Variants in RBM20 observed in about 807,000 individuals in gnomAD.
RBM20 encodes RNA-binding protein 20.
RBM20 carries 51 observed loss-of-function variants against 110.1 expected under a neutral mutation model. The observed-to-expected ratio is 0.46, with a 90% CI of 0.37 to 0.59. RBM20 has a LOEUF of 0.59. RBM20 is among the 20% of genes least tolerant of loss of function. The pLI is 0.00. For missense variants in RBM20, 1,512 were observed against 1,574.9 expected, an observed-to-expected ratio of 0.96 and a Z score of 0.68; for synonymous variants, 589 against 618.2, an observed-to-expected ratio of 0.95 and a Z score of 0.70.
At chr10:110,704,701 G>C (rs1179332594) in intron 1 of RBM20, among the ~76,000 whole-genome samples, 1 of 152,182 alleles carries the variant, frequency 6.6e-6, no homozygotes, top group African/African-American at 2.4e-5. Flanking sequence ...TCTTAGCTCT[G>C]GGAATTGAGT....
In RBM20 at chr10:110,830,201, A is replaced by C. The variant is rs547217271; in HGVS notation, c.3452-860A>C. On this transcript the variant is annotated intron_variant, in intron 12 of 13. Coordinates refer to ENST00000369519, the MANE Select transcript of RBM20 (RefSeq NM_001134363.3). ...ACTCCACTGACTGACCGTGTCTTCA[A>C]AAGGAGAACTGTGACCTGCAAAACA... is the stretch of plus-strand genomic sequence containing the variant. Among the ~76,000 whole-genome samples the C allele has an allele frequency of 1.4e-4, 22 of 152,306 alleles. No homozygotes were observed. The East Asian group carries it at 4.0e-3, about 28-fold the overall frequency.
intron 1 of RBM20, among the ~76,000 whole-genome samples, chr10:110,774,492 A>T (rs1418665838): frequency 6.6e-6 from 1 of 151,944 alleles, no homozygotes; most frequent in Non-Finnish European, 1.5e-5. Flanking sequence ...TTGCAAAGAG[A>T]GAATTCATCT....
At chr10:110,756,348 G>A (rs921284910) in intron 1 of RBM20, 1 of 152,172 alleles carries the variant, frequency 6.6e-6, no homozygotes, top group Non-Finnish European at 1.5e-5. Flanking sequence ...ACCATGCTGG[G>A]TATTGTGGCA....
intron 8 of RBM20, 77 bp from the exon 9 acceptor site, chr10:110,812,201 G>C (rs558327179): frequency 1.6e-6 from 2 of 1,264,538 alleles, no homozygotes; most frequent in Non-Finnish European, 2.2e-6. Context: ...CTAAGACAGA[G>C]ACTGTGTGTC....
intron 1 of RBM20, among the ~76,000 whole-genome samples, chr10:110,714,785 T>C (rs1862991617): frequency 6.6e-6 from 1 of 152,164 alleles, no homozygotes; most frequent in Admixed American, 6.5e-5. Flanking sequence ...AATCCTTCCC[T>C]AGTAGTTGAC....
rs1180340998 is a variant in RBM20 at position 110,784,441 on chromosome 10, G to A, written c.1429+9G>A. Reference sequence around the variant, plus strand: ...CCCTGCTGGGAATGAAGGTGAGCAAGGCCCTACAGGTCAGCAGCTTGAAGC... The same window carrying A: ...CCCTGCTGGGAATGAAGGTGAGCAAAGCCCTACAGGTCAGCAGCTTGAAGC... On this transcript the variant is annotated intron_variant, in intron 4 of 13. Transcript: ENST00000369519. 6.5e-6 allele frequency: 10 copies of A among 1,546,910 alleles called. No homozygotes were observed. The highest frequency in any genetic ancestry group is 1.4e-5 in the African/African-American group (1 of 72,930).
intron 1 of RBM20, among the ~76,000 whole-genome samples, chr10:110,684,627 T>C (rs555139541): frequency 1.3e-5 from 2 of 152,314 alleles, no homozygotes; most frequent in African/African-American, 4.8e-5. Flanking sequence ...TACAAAACAC[T>C]GTAGAAGTTC....
At chr10:110,738,983 G>C (rs996814476) in intron 1 of RBM20, among the ~76,000 whole-genome samples, 2 of 152,180 alleles carry the variant, frequency 1.3e-5, no homozygotes, top group Admixed American at 1.3e-4. Flanking sequence ...AGAATTAGTA[G>C]GAAGCATTTG....
chr10:110,664,040 A>G (rs1364342587), intron 1 of RBM20, among the ~76,000 whole-genome samples: 1 of 152,232 alleles, frequency 6.6e-6, no homozygotes, highest in Non-Finnish European at 1.5e-5. Flanking sequence ...AATTGGAAAT[A>G]TTAGTAAGAA....
intron 1 of RBM20, among the ~76,000 whole-genome samples, chr10:110,647,535 G>C (rs1023873998): frequency 6.6e-6 from 1 of 152,056 alleles, no homozygotes; most frequent in African/African-American, 2.4e-5. Flanking sequence ...TATAAAACAC[G>C]ATTTAGGCTA....
chr10:110,666,667 A>G (rs532981535), intron 1 of RBM20, among the ~76,000 whole-genome samples: 8 of 150,866 alleles, frequency 5.3e-5, no homozygotes, highest in Admixed American at 4.6e-4. Context: ...AAAAACAAAA[A>G]TCACCTGGCC....
chr10:110,698,898 G>A (rs1862711869), intron 1 of RBM20, among the ~76,000 whole-genome samples: 1 of 152,174 alleles, frequency 6.6e-6, no homozygotes. Context: ...AGGTGGGAGA[G>A]GCAAGAAGAG....
chr10:110,818,566 C>G (rs1259555872), intron 9 of RBM20, among the ~76,000 whole-genome samples: 1 of 152,266 alleles, frequency 6.6e-6, no homozygotes, highest in East Asian at 1.9e-4. Flanking sequence ...CTGCTGCTCT[C>G]TCCTGGAAGT....
At chr10:110,710,191 T>C (rs1226970865) in intron 1 of RBM20, among the ~76,000 whole-genome samples, 1 of 152,168 alleles carries the variant, frequency 6.6e-6, no homozygotes, top group Non-Finnish European at 1.5e-5. Flanking sequence ...ATACCAATAG[T>C]TGGACTATGA....
At chr10:110,701,178 C>G (rs1862752498) in intron 1 of RBM20, among the ~76,000 whole-genome samples, 1 of 152,118 alleles carries the variant, frequency 6.6e-6, no homozygotes, top group South Asian at 2.1e-4. Flanking sequence ...GCCGGGGGTT[C>G]CATTTTCCTG....
At chr10:110,702,486 G>A (rs957306) in intron 1 of RBM20, among the ~76,000 whole-genome samples, 17,570 of 152,160 alleles carry the variant, frequency 0.12, 1,182 homozygotes, top group African/African-American at 0.17. Flanking sequence ...TAATGGGCTC[G>A]GATGGCGACC....
intron 1 of RBM20, among the ~76,000 whole-genome samples, chr10:110,736,407 G>A (rs945100807): frequency 6.6e-6 from 1 of 152,032 alleles, no homozygotes; most frequent in African/African-American, 2.4e-5. Context: ...ATAGAACTAG[G>A]TATTTTATTT....
Position 110,675,659 on chromosome 10 carries a change from G to A in RBM20, c.191+31014G>A, listed in dbSNP as rs188376531. Among the ~76,000 whole-genome samples the A allele has an allele frequency of 2.6e-5, 4 of 152,258 alleles. No individual in the cohort carries two copies. The East Asian group carries it at 5.8e-4, about 22-fold the overall frequency. On this transcript the variant is annotated intron_variant, in intron 1 of 13. Coordinates refer to ENST00000369519, the MANE Select transcript of RBM20 (RefSeq NM_001134363.3). ...TACTGTCTCTTGGTGCTTGTTGAAA[G>A]CCCCTGTTGAGATTAACATAGTCCC...
chr10:110,752,935 A>G (rs1843873019), intron 1 of RBM20, among the ~76,000 whole-genome samples: 1 of 72,068 alleles, frequency 1.4e-5, no homozygotes, highest in African/African-American at 5.0e-5. Flanking sequence ...ATATATATAT[A>G]TATATATATA....
Sources: allele counts gnomAD v4.1 joint callset (sites outside exome capture counted in the v4.1 genomes callset), GRCh38; gene constraint gnomAD v4.1.1; transcripts MANE v1.5; gene names NCBI Gene and HGNC (gene_info 2026-07-23, HGNC 2026-07-21).